The following ACMSD variants were observed in gnomAD, a reference collection of about 807,000 sequenced individuals.
The protein encoded by ACMSD is aminocarboxymuconate semialdehyde decarboxylase.
ACMSD carries 37 observed loss-of-function variants against 45.9 expected under a neutral mutation model. The observed-to-expected ratio is 0.81, with a 90% CI of 0.62 to 1.06. The LOEUF is 1.06. Ranked by LOEUF, ACMSD falls within the 50% of genes least tolerant of loss-of-function variation. The pLI, the probability that ACMSD is intolerant of heterozygous loss-of-function variation, is 0.00. For synonymous variants in ACMSD, 138 were observed against 148.8 expected (o/e 0.93, Z 0.53); for missense variants, 434 against 420.9 (o/e 1.03, Z -0.27).
rs150637923 is a variant in ACMSD at position 134,851,157 on chromosome 2, A to G, written c.102+5880A>G. 1.9e-3 allele frequency among the ~76,000 whole-genome samples: 295 copies of G among 152,286 alleles called. 3 individuals are homozygous for G. The highest frequency in any genetic ancestry group is 6.9e-3 in the African/African-American group (288 of 41,544). On this transcript the variant is annotated intron_variant, in intron 2 of 9. Transcript: ENST00000356140. Reference sequence around the variant, plus strand: ...ATTTTTTATGGCTGCATGGTATTCTATGGTGTATATGGAATATCCATGGAA... The same window carrying G: ...ATTTTTTATGGCTGCATGGTATTCTGTGGTGTATATGGAATATCCATGGAA...
At position 134,901,990 on chromosome 2, in the gene ACMSD, A is replaced by G. The variant is rs1287893951; in HGVS notation, c.*130A>G. 1 of 500,668 alleles carries G rather than the reference A, an allele frequency of 2.0e-6. No homozygotes were observed. Among genetic ancestry groups the G allele is most frequent in the Non-Finnish European group, 3.5e-6 (1 of 289,712 alleles). The allele number at this position is 500,668 out of a possible 1,614,324, so 31.0% of individuals were successfully genotyped here. On this transcript the variant is annotated 3_prime_UTR_variant, in exon 10 of 10. Transcript: ENST00000356140. ...GAAATGAATGTCCCAAATATCCTAA[A>G]TTATTCATAATAAAAATGATTTGTA...
At chr2:134,886,348 A>G (rs1262046847) in intron 8 of ACMSD, among the ~76,000 whole-genome samples, 1 of 146,794 alleles carries the variant, frequency 6.8e-6, no homozygotes, top group Non-Finnish European at 1.5e-5. Flanking sequence ...TCCCGGGTTC[A>G]CGCCATTCTC....
intron 3 of ACMSD, among the ~76,000 whole-genome samples, chr2:134,860,008 A>C (rs1189854680): frequency 2.0e-5 from 3 of 152,234 alleles, no homozygotes; most frequent in African/African-American, 7.2e-5. Context: ...CAGAAAAGGC[A>C]CAGTAACAGT....
At chr2:134,863,670 GT>G in intron 5 of ACMSD, 39 bp downstream of exon 5, 1 of 1,606,290 alleles carries the variant, frequency 6.2e-7, no homozygotes, top group Non-Finnish European at 8.5e-7. Context: ...CAGCCGCCCA[GT>G]GCCTGGGCCG....
rs1417162991 is a variant in ACMSD at position 134,863,637 on chromosome 2, T to C, written c.486+6T>C. On this transcript the variant is annotated splice_donor_region_variant and intron_variant, in intron 5 of 9. Coordinates refer to ENST00000356140, the MANE Select transcript of ACMSD (RefSeq NM_138326.3). ...AGCTCTTTCCTGTCTATGCGGTGAG[T>C]AGCGGGGCTGCTCAGCCAACGCCAG... is the stretch of plus-strand genomic sequence containing the variant. 2.5e-6 allele frequency: 4 copies of C among 1,612,708 alleles called. No individual in the cohort carries two copies. Among genetic ancestry groups the C allele is most frequent in the Non-Finnish European group, 3.4e-6 (4 of 1,179,188 alleles).
At chr2:134,866,484 C>G (rs1289619987) in intron 5 of ACMSD, among the ~76,000 whole-genome samples, 1 of 152,166 alleles carries the variant, frequency 6.6e-6, no homozygotes, top group African/African-American at 2.4e-5. Context: ...CTTTAAAAGG[C>G]TTATATCTCT....
At chr2:134,883,644 G>A (rs1313966709) in intron 8 of ACMSD, among the ~76,000 whole-genome samples, 2 of 152,004 alleles carry the variant, frequency 1.3e-5, no homozygotes, top group Non-Finnish European at 2.9e-5. Context: ...TGGGACACAG[G>A]TACCATGGCT....
intron 8 of ACMSD, among the ~76,000 whole-genome samples, chr2:134,894,208 G>A (rs964293493): frequency 4.6e-5 from 7 of 151,582 alleles, no homozygotes; most frequent in Admixed American, 2.0e-4. Context: ...CAACAAAATC[G>A]GCAAACCTTT....
intron 8 of ACMSD, among the ~76,000 whole-genome samples, chr2:134,894,098 G>T (rs556477772): frequency 3.6e-4 from 54 of 151,916 alleles, no homozygotes; most frequent in African/African-American, 1.3e-3. Flanking sequence ...CAAGCAAGCA[G>T]AAAAATATAT....
intron 8 of ACMSD, among the ~76,000 whole-genome samples, chr2:134,876,059 T>C (rs1239813855): frequency 6.6e-6 from 1 of 152,094 alleles, no homozygotes; most frequent in Non-Finnish European, 1.5e-5. Flanking sequence ...ATAAAAAGGG[T>C]ACAGTAAAAA....
chr2:134,846,005 A>G (rs141237513), intron 2 of ACMSD, among the ~76,000 whole-genome samples: 325 of 152,338 alleles, frequency 2.1e-3, no homozygotes, highest in African/African-American at 7.5e-3. Context: ...CCAATGCAGC[A>G]TGGAAAGGTT....
chr2:134,874,432 G>A (rs969718088), intron 8 of ACMSD, among the ~76,000 whole-genome samples: 2 of 151,956 alleles, frequency 1.3e-5, no homozygotes, highest in Non-Finnish European at 2.9e-5. Context: ...TAGCAAATTC[G>A]CTTTTAAAAA....
chr2:134,898,423 T>C lies in ACMSD; in HGVS notation c.932T>C (p.Phe311Ser), dbSNP rs943571118. ...AAACTAATAGAGTCCATGGAAGAAT[T>C]TGATGAAGAAACAAAGGTATAATGT... is the stretch of plus-strand genomic sequence containing the variant. ...PGKLIESMEEFDEETKNKLKA... is the reference protein window; with the variant it reads ...PGKLIESMEESDEETKNKLKA... Residue 311 changes from phenylalanine to serine, a missense_variant, in exon 9 of 10, where the codon TTT (phenylalanine) becomes TCT (serine). Phe to Ser is a radical substitution (Grantham distance 155). Coordinates refer to ENST00000356140, the MANE Select transcript of ACMSD (RefSeq NM_138326.3). 6.9e-6 allele frequency: 11 copies of C among 1,595,506 alleles called. No homozygotes were observed. The highest frequency in any genetic ancestry group is 3.5e-5 in the Admixed American group (2 of 56,360).
At chr2:134,852,945 T>C (rs571243599) in intron 2 of ACMSD, among the ~76,000 whole-genome samples, 1 of 152,138 alleles carries the variant, frequency 6.6e-6, no homozygotes, top group African/African-American at 2.4e-5. Context: ...GGCAGATTAC[T>C]TGAGGTCAGG....
chr2:134,861,198 T>C (rs1687835851), intron 3 of ACMSD, among the ~76,000 whole-genome samples: 1 of 152,138 alleles, frequency 6.6e-6, no homozygotes, highest in Admixed American at 6.5e-5. Context: ...TTCCCTGACC[T>C]ACAGCAAAGA....
intron 9 of ACMSD, among the ~76,000 whole-genome samples, chr2:134,898,896 G>A (rs949516391): frequency 6.6e-6 from 1 of 151,934 alleles, no homozygotes; most frequent in African/African-American, 2.4e-5. Context: ...TGACTTTTAA[G>A]GCAGGTAAAT....
chr2:134,871,509 TTG>T (rs1370349521), intron 7 of ACMSD, among the ~76,000 whole-genome samples: 1 of 103,412 alleles, frequency 9.7e-6, no homozygotes, highest in East Asian at 4.3e-4. Flanking sequence ...AGTTTTGTCA[TTG>T]TTTTTTTTTT....
At position 134,840,187 on chromosome 2, in the gene ACMSD, A is replaced by C. The variant is rs984694904; in HGVS notation, c.57+1448A>C. Among the ~76,000 whole-genome samples, 115 of 136,522 alleles carry C rather than the reference A, an allele frequency of 8.4e-4. 5 individuals carry two copies. The highest frequency in any genetic ancestry group is 3.1e-3 in the African/African-American group (112 of 35,754). The allele number at this position is 136,522 out of a possible 152,430, so 89.6% of individuals were successfully genotyped here. ...CCTAGCAAAAAAAAAAAAAAAAAAA[A>C]AAAAAACCACTAATTCCTCTGTTAC... is the stretch of plus-strand genomic sequence containing the variant. On this transcript the variant is annotated intron_variant, in intron 1 of 9. Coordinates refer to ENST00000356140, the MANE Select transcript of ACMSD (RefSeq NM_138326.3).
intron 1 of ACMSD, among the ~76,000 whole-genome samples, chr2:134,840,184 A>C (rs1035914381): frequency 1.4e-5 from 2 of 143,814 alleles, no homozygotes; most frequent in East Asian, 2.1e-4. Flanking sequence ...AAAAAAAAAA[A>C]AAAAAAAAAC....
Sources: allele counts gnomAD v4.1 joint callset (sites outside exome capture counted in the v4.1 genomes callset), GRCh38; gene constraint gnomAD v4.1.1; transcripts MANE v1.5; gene names NCBI Gene and HGNC (gene_info 2026-07-23, HGNC 2026-07-21).